POPDC1: variants seen among roughly 807,000 people sequenced by gnomAD.
POPDC1 encodes popeye domain-containing protein 1.
chr6:105,128,156 A>G, the POPDC1 span, among the ~76,000 whole-genome samples: 6,132 of 152,324 alleles, frequency 0.04, 424 homozygotes, highest in African/African-American at 0.14. Context: ...GGATACAACA[A>G]TAAGTGTGTT....
chr6:105,135,861 C>T, the POPDC1 span, among the ~76,000 whole-genome samples: 1 of 152,086 alleles, frequency 6.6e-6, no homozygotes, highest in South Asian at 2.1e-4. Flanking sequence ...TTACACTTAA[C>T]AATTCTTATA....
the POPDC1 span, among the ~76,000 whole-genome samples, chr6:105,111,395 GACA>G: frequency 6.6e-6 from 1 of 152,176 alleles, no homozygotes; most frequent in African/African-American, 2.4e-5. Flanking sequence ...GCACAAAGAT[GACA>G]ACAAGGTGCC....
the POPDC1 span, among the ~76,000 whole-genome samples, chr6:105,111,874 A>C: frequency 6.6e-6 from 1 of 152,192 alleles, no homozygotes; most frequent in Non-Finnish European, 1.5e-5. Context: ...AAAGTTATGA[A>C]GTATATTTGT....
At chr6:105,136,848 A>C in the POPDC1 span, 1 of 152,124 alleles carries the variant, frequency 6.6e-6, no homozygotes, top group African/African-American at 2.4e-5. Flanking sequence ...AGGGCCGACA[A>C]AGTTGCTCCC....
chr6:105,124,140 T>C, the POPDC1 span, among the ~76,000 whole-genome samples: 1 of 152,096 alleles, frequency 6.6e-6, no homozygotes, highest in East Asian at 1.9e-4. Context: ...CCCAGCACTT[T>C]GGGAGGCCGA....
the POPDC1 span, among the ~76,000 whole-genome samples, chr6:105,119,954 C>T: frequency 6.6e-6 from 1 of 152,052 alleles, no homozygotes; most frequent in African/African-American, 2.4e-5. Context: ...GAGTAACTTA[C>T]AGGCCCATAA....
the POPDC1 span, among the ~76,000 whole-genome samples, chr6:105,101,575 C>A: frequency 6.6e-6 from 1 of 152,134 alleles, no homozygotes; most frequent in East Asian, 1.9e-4. Flanking sequence ...CTCATATTAG[C>A]CCTTGAAAGT....
chr6:105,102,463 C>T, the POPDC1 span, among the ~76,000 whole-genome samples: 53 of 152,304 alleles, frequency 3.5e-4, no homozygotes, highest in African/African-American at 1.1e-3. Flanking sequence ...AAAGGCTTTG[C>T]CCTGGCACTC....
At chr6:105,103,295 G>C in the POPDC1 span, among the ~76,000 whole-genome samples, 1 of 152,104 alleles carries the variant, frequency 6.6e-6, no homozygotes, top group Non-Finnish European at 1.5e-5. Flanking sequence ...ATATTTGTAA[G>C]AACATAAAAA....
the POPDC1 span, among the ~76,000 whole-genome samples, chr6:105,129,959 C>T: frequency 2.4e-4 from 36 of 152,218 alleles, no homozygotes; most frequent in Non-Finnish European, 4.4e-4. Flanking sequence ...TTAGAACTAC[C>T]TAAGCCAAAT....
chr6:105,109,545 C>T, the POPDC1 span, among the ~76,000 whole-genome samples: 119 of 151,714 alleles, frequency 7.8e-4, no homozygotes, highest in Non-Finnish European at 1.3e-3. Context: ...TGAGACCAGC[C>T]TGGACAATAT....
chr6:105,103,195 C>A, the POPDC1 span, among the ~76,000 whole-genome samples: 1 of 152,106 alleles, frequency 6.6e-6, no homozygotes, highest in African/African-American at 2.4e-5. Context: ...AAGAACAGCA[C>A]CTATTTCATA....
chr6:105,105,873 G>C, the POPDC1 span, among the ~76,000 whole-genome samples: 1 of 152,132 alleles, frequency 6.6e-6, no homozygotes, highest in African/African-American at 2.4e-5. Flanking sequence ...AATCACTTTT[G>C]TTCTTCAAGG....
the POPDC1 span, among the ~76,000 whole-genome samples, chr6:105,125,745 G>C: frequency 6.6e-6 from 1 of 152,158 alleles, no homozygotes; most frequent in African/African-American, 2.4e-5. Context: ...AATGGTGATA[G>C]AAGTTTATAC....
the POPDC1 span, among the ~76,000 whole-genome samples, chr6:105,126,256 A>G: frequency 6.6e-6 from 1 of 151,486 alleles, no homozygotes; most frequent in Non-Finnish European, 1.5e-5. Flanking sequence ...AATAAAAAAA[A>G]GAAAGAAAGA....
the POPDC1 span, among the ~76,000 whole-genome samples, chr6:105,113,817 AT>A: frequency 6.4e-3 from 305 of 47,696 alleles, 2 homozygotes; most frequent in African/African-American, 1.0e-2. Context: ...GATGCCTGGC[AT>A]TTTTTTTTTT....
the POPDC1 span, among the ~76,000 whole-genome samples, chr6:105,117,490 A>G: frequency 2.6e-5 from 4 of 152,182 alleles, no homozygotes; most frequent in Non-Finnish European, 4.4e-5. Context: ...TCAGAGCTGG[A>G]AATCATACCC....
At chr6:105,114,672 A>G in the POPDC1 span, among the ~76,000 whole-genome samples, 1 of 152,248 alleles carries the variant, frequency 6.6e-6, no homozygotes. Context: ...ATAATTCTTA[A>G]AGTATTTAAT....
chr6:105,097,158 G>A, the POPDC1 span: 3 of 152,160 alleles, frequency 2.0e-5, no homozygotes, highest in African/African-American at 7.2e-5. Flanking sequence ...GAGTAAGGGA[G>A]CGTGTCCCCT....
Sources: allele counts gnomAD v4.1 joint callset (sites outside exome capture counted in the v4.1 genomes callset), GRCh38; gene constraint gnomAD v4.1.1; transcripts MANE v1.5; gene names NCBI Gene and HGNC (gene_info 2026-07-23, HGNC 2026-07-21).